The following CPM variants were observed in gnomAD, a reference collection of about 807,000 sequenced individuals.
CPM encodes renal carboxypeptidase.
CPM carries 35 observed loss-of-function variants against 46.4 expected under a neutral mutation model. That is an observed-to-expected ratio of 0.75 (90% CI 0.58 to 1.00). The LOEUF (loss-of-function observed/expected upper bound fraction) is 1.00, where lower values mean the gene tolerates loss of function less well. CPM is among the 50% of genes least tolerant of loss of function. The pLI, the probability that CPM is intolerant of heterozygous loss-of-function variation, is 0.00. For synonymous variants in CPM, 195 were observed against 195.3 expected (o/e 1.00, Z 0.01); for missense variants, 422 against 530.4 (o/e 0.80, Z 2.01).
upstream of CPM, among the ~76,000 whole-genome samples, chr12:68,936,639 C>T (rs1407165667): frequency 6.6e-6 from 1 of 152,178 alleles, no homozygotes; most frequent in East Asian, 1.9e-4. Context: ...CTGCCTCAGC[C>T]TCCCAGAGTG....
intron 5 of CPM, chr12:68,846,033 A>G (rs1211764183): frequency 1.3e-5 from 2 of 149,866 alleles, no homozygotes; most frequent in African/African-American, 4.9e-5. Context: ...GGCTCATTGC[A>G]ACCTCCACCT....
At chr12:68,863,619 T>C (rs939462173) in intron 7 of CPM, among the ~76,000 whole-genome samples, 4 of 152,292 alleles carry the variant, frequency 2.6e-5, no homozygotes, top group African/African-American at 9.6e-5. Flanking sequence ...TTCTGTTGAC[T>C]ACACTGAGAT....
chr12:68,864,131 A>G (rs952180642), intron 7 of CPM, among the ~76,000 whole-genome samples: 13 of 152,198 alleles, frequency 8.5e-5, no homozygotes, highest in Admixed American at 8.5e-4. Context: ...AGACAGGCAG[A>G]TACACATTCT....
At chr12:68,938,438 A>G (rs1888706808) in intron 1 of CPM, among the ~76,000 whole-genome samples, 1 of 152,032 alleles carries the variant, frequency 6.6e-6, no homozygotes, top group Non-Finnish European at 1.5e-5. Context: ...AATCAAACAA[A>G]CACACACACA....
chr12:68,867,076 T>G lies in CPM; in HGVS notation c.788-28A>C, dbSNP rs778490177. 7 of 1,613,216 alleles carry G rather than the reference T, an allele frequency of 4.3e-6. No homozygotes were observed. In the Admixed American group the frequency reaches 1.2e-4, roughly 27 times the overall value. ...AAACACAAGCATATTTAATTTTTGT[T>G]AGGGTCTAAAATTGGAGTGGAGCCA... On this transcript the variant is annotated intron_variant, in intron 6 of 8. Coordinates refer to ENST00000551568, the MANE Select transcript of CPM (RefSeq NM_198320.5).
At chr12:68,948,088 C>T (rs1888876708) in intron 1 of CPM, among the ~76,000 whole-genome samples, 1 of 152,080 alleles carries the variant, frequency 6.6e-6, no homozygotes, top group Non-Finnish European at 1.5e-5. Context: ...GATATTCAGG[C>T]TACAGATGAG....
chr12:68,878,617 C>G (rs1479662449), intron 3 of CPM, among the ~76,000 whole-genome samples: 2 of 152,158 alleles, frequency 1.3e-5, no homozygotes, highest in Non-Finnish European at 2.9e-5. Flanking sequence ...ACAAAATTAT[C>G]CTTAAAAACT....
At chr12:68,856,768 C>T (rs3741598) in intron 8 of CPM, 89 bp from the exon 9 acceptor site, 813,355 of 1,511,100 alleles carry the variant, frequency 0.54, 228,666 homozygotes, top group East Asian at 0.93. Context: ...CACTAAAATG[C>T]AGCCTTTGTG....
chr12:68,954,283 T>C (rs1888978459), intron 1 of CPM, among the ~76,000 whole-genome samples: 1 of 152,204 alleles, frequency 6.6e-6, no homozygotes, highest in Non-Finnish European at 1.5e-5. Context: ...GCGTATGACA[T>C]ACATTCCTTC....
intron 2 of CPM, among the ~76,000 whole-genome samples, chr12:68,898,846 G>A (rs975426316): frequency 2.6e-5 from 4 of 152,146 alleles, no homozygotes; most frequent in African/African-American, 9.7e-5. Context: ...TGGGATTAAC[G>A]GTACTTACCC....
chr12:68,901,765 A>T (rs1887123658), intron 2 of CPM, among the ~76,000 whole-genome samples: 1 of 152,200 alleles, frequency 6.6e-6, no homozygotes, highest in Non-Finnish European at 1.5e-5. Context: ...AAGGGGAAGG[A>T]AAATAAATGT....
intron 2 of CPM, among the ~76,000 whole-genome samples, chr12:68,890,539 C>G (rs1451954957): frequency 6.6e-6 from 1 of 152,224 alleles, no homozygotes; most frequent in African/African-American, 2.4e-5. Context: ...CCAAGTCTGT[C>G]TGATTCCAAA....
At chr12:68,951,412 C>T (rs753033112) in intron 1 of CPM, among the ~76,000 whole-genome samples, 4 of 151,860 alleles carry the variant, frequency 2.6e-5, no homozygotes, top group Non-Finnish European at 4.4e-5. Context: ...GGTAAGTATT[C>T]CTACAAGGAA....
intron 2 of CPM, among the ~76,000 whole-genome samples, chr12:68,926,672 A>G (rs913264178): frequency 6.6e-6 from 1 of 152,026 alleles, no homozygotes; most frequent in African/African-American, 2.4e-5. Flanking sequence ...TTAACTCGTC[A>G]TTTAGCATTA....
At chr12:68,951,935 A>G (rs12817847) in intron 1 of CPM, among the ~76,000 whole-genome samples, 52,126 of 152,176 alleles carry the variant, frequency 0.34, 10,452 homozygotes, top group East Asian at 0.51. Flanking sequence ...TGTGCCAGTG[A>G]AGGCCATGGG....
upstream of CPM, among the ~76,000 whole-genome samples, chr12:68,935,387 C>T (rs1454301910): frequency 3.3e-5 from 5 of 152,062 alleles, no homozygotes; most frequent in Admixed American, 2.0e-4. Flanking sequence ...CAGCCTCTAA[C>T]GTACCTGGGA....
intron 1 of CPM, among the ~76,000 whole-genome samples, chr12:68,962,960 T>G (rs1285968840): frequency 6.6e-6 from 1 of 152,256 alleles, no homozygotes; most frequent in Non-Finnish European, 1.5e-5. Context: ...TTACATGTAT[T>G]GATTGATGTC....
intron 8 of CPM, among the ~76,000 whole-genome samples, chr12:68,857,521 A>G (rs1414203472): frequency 6.6e-6 from 1 of 151,892 alleles, no homozygotes; most frequent in African/African-American, 2.4e-5. Flanking sequence ...ATCTTTGGTT[A>G]GGCTTTCTTT....
At chr12:68,843,713 C>T (rs896795505) in intron 5 of CPM, 1 of 222,044 alleles carries the variant, frequency 4.5e-6, no homozygotes, top group Non-Finnish European at 9.0e-6. Flanking sequence ...CTCTCTCTCT[C>T]TCTGTCTGTC....
Sources: gnomAD v4.1 joint callset for allele counts (sites outside exome capture counted in the v4.1 genomes callset) on GRCh38, gnomAD v4.1.1 for gene constraint, MANE v1.5 for transcripts, NCBI Gene and HGNC (gene_info 2026-07-23, HGNC 2026-07-21) for gene names.